LAMA3: variants seen among roughly 807,000 people sequenced by gnomAD.
LAMA3 encodes laminin subunit alpha 3, also known as laminin subunit alpha-3.
LAMA3 carries 281 observed loss-of-function variants against 402.0 expected under a neutral mutation model. The ratio of observed to expected loss-of-function variants is 0.70; its 90% CI spans 0.63 to 0.77. The LOEUF is 0.77. LAMA3 is among the 30% of genes least tolerant of loss of function. The pLI is 0.00. For missense variants in LAMA3, 3,840 were observed against 4,215.5 expected (o/e 0.91, Z 2.47); for synonymous variants, 1,431 against 1,558.4 (o/e 0.92, Z 1.93).
At chr18:23,794,063 G>A (rs939391409) in intron 12 of LAMA3, among the ~76,000 whole-genome samples, 10 of 152,238 alleles carry the variant, frequency 6.6e-5, no homozygotes, top group Non-Finnish European at 1.0e-4. Context: ...GAGCTTCCAT[G>A]CCCTCCCTGG....
rs1380635670 is a variant in LAMA3 at position 23,751,101 on chromosome 18, A to G, written c.855+13A>G. ...TGTCACTCGGCGGGTGAGTAGTCAG[A>G]GCATTTGTTTTGTTACTTTATTTAT... is the stretch of plus-strand genomic sequence containing the variant. On this transcript the variant is annotated intron_variant, in intron 5 of 74. Coordinates refer to ENST00000313654, the MANE Select transcript of LAMA3 (RefSeq NM_198129.4). 1.2e-6 allele frequency: 2 copies of G among 1,613,892 alleles called. No homozygotes were observed. Among genetic ancestry groups the G allele is most frequent in the African/African-American group, 2.7e-5 (2 of 74,932 alleles).
chr18:23,905,708 ATGT>A, intron 52 of LAMA3, 84 bp downstream of exon 52: 1 of 759,742 alleles, frequency 1.3e-6, no homozygotes, highest in South Asian at 1.4e-5. Flanking sequence ...CTAGAAGCAA[ATGT>A]TGTTTTTGAA....
chr18:23,833,393 T>G (rs993867831), intron 23 of LAMA3, among the ~76,000 whole-genome samples: 1 of 151,186 alleles, frequency 6.6e-6, no homozygotes, highest in Non-Finnish European at 1.5e-5. Flanking sequence ...TAAAACTTAT[T>G]AAAAAAAAAA....
intron 39 of LAMA3, among the ~76,000 whole-genome samples, chr18:23,880,436 AG>A (rs575800783): frequency 1.2e-3 from 181 of 152,344 alleles, no homozygotes; most frequent in African/African-American, 4.1e-3. Context: ...AGTTACTCAA[AG>A]GTTAGTGAAG....
At chr18:23,763,877 C>T (rs1263741812) in intron 8 of LAMA3, among the ~76,000 whole-genome samples, 1 of 152,148 alleles carries the variant, frequency 6.6e-6, no homozygotes, top group Non-Finnish European at 1.5e-5. Flanking sequence ...GACCCTACAT[C>T]CTGTTTTCAG....
intron 39 of LAMA3, among the ~76,000 whole-genome samples, chr18:23,880,348 C>A (rs2064856289): frequency 6.6e-6 from 1 of 152,140 alleles, no homozygotes; most frequent in Non-Finnish European, 1.5e-5. Flanking sequence ...ATACTAATAT[C>A]TTATGTTTAT....
chr18:23,949,720 T>G, intron 70 of LAMA3, 45 bp from the exon 71 acceptor site: 1 of 1,606,154 alleles, frequency 6.2e-7, no homozygotes, highest in Non-Finnish European at 8.5e-7. Context: ...CATGCCTTTC[T>G]TGGAGGTGTA....
At chr18:23,769,092 G>T (rs961822219) in intron 8 of LAMA3, among the ~76,000 whole-genome samples, 7 of 152,162 alleles carry the variant, frequency 4.6e-5, no homozygotes, top group African/African-American at 1.7e-4. Context: ...TGAGCGCCAT[G>T]CAATATATCC....
In LAMA3 at chr18:23,864,266, G is replaced by A. The variant is rs911473787; in HGVS notation, c.4585-519G>A. Among the ~76,000 whole-genome samples, 3 of 144,818 alleles carry A rather than the reference G, an allele frequency of 2.1e-5. No individual in the cohort carries two copies. In the Admixed American group the frequency reaches 2.1e-4, roughly 10 times the overall value. The stretch of plus-strand genomic sequence containing the variant: ...AAAAGAGACAGGGTCTTGCCCTGTT[G>A]CCCAAGCTGCACTGCAGTGGTACAA... On this transcript the variant is annotated intron_variant, in intron 35 of 74. Transcript: ENST00000313654.
At position 23,951,697 on chromosome 18, in the gene LAMA3, T is replaced by C. The variant is rs1324502047; in HGVS notation, c.9656T>C (p.Met3219Thr). 1 of 1,613,932 alleles carries C rather than the reference T, an allele frequency of 6.2e-7. No homozygotes were observed. Among genetic ancestry groups the C allele is most frequent in the Non-Finnish European group, 8.5e-7 (1 of 1,179,892 alleles). The change falls in exon 73 of 75, where the codon ATG (methionine) becomes ACG (threonine). Residue 3219 changes from methionine (M) to threonine (T), a missense_variant. Physicochemically the swap from Met to Thr is moderately conservative, Grantham distance 81. Transcript: ENST00000313654. ...TGTGTGTTCCAGGTCACGGCCTCTA[T>C]GGACAGTGGGGCAGGTGGGACCTCA... ...YLEAGKVTAS[M>T]DSGAGGTSTS...
intron 12 of LAMA3, among the ~76,000 whole-genome samples, chr18:23,798,631 T>G (rs2062811863): frequency 6.6e-6 from 1 of 152,216 alleles, no homozygotes; most frequent in African/African-American, 2.4e-5. Flanking sequence ...AGTTTTGCCT[T>G]GAACTGGCCC....
At chr18:23,845,318 G>T (rs192656831) in intron 30 of LAMA3, among the ~76,000 whole-genome samples, 194 bp downstream of exon 30, 29 of 152,328 alleles carry the variant, frequency 1.9e-4, no homozygotes, top group Non-Finnish European at 3.4e-4. Context: ...GCCATGTGCT[G>T]CCTGGGAAAG....
At chr18:23,860,022 G>A (rs1418917464) in intron 34 of LAMA3, among the ~76,000 whole-genome samples, 2 of 152,086 alleles carry the variant, frequency 1.3e-5, no homozygotes, top group Admixed American at 6.5e-5. Context: ...AGGAACTGTG[G>A]ACTAAGACCA....
At position 23,753,771 on chromosome 18, in the gene LAMA3, TG is replaced by T. The variant is rs1162826607; in HGVS notation, c.908del (p.Gly303AlafsTer8). On this transcript the variant is annotated frameshift_variant, in exon 6 of 75. Transcript: ENST00000313654. LOFTEE classifies it high-confidence loss of function. ...GCATTGGTGGGCAGTGTGTTTGCAA[TG>T]GCCATGCTGAAGTGTGCAATATAAA... ...ISIGGQCVCN[G>X]HAEVCNINNP... 1 of 1,613,940 alleles carries T rather than the reference TG, an allele frequency of 6.2e-7. No individual in the cohort carries two copies.
chr18:23,846,196 C>A, intron 30 of LAMA3, 101 bp from the exon 31 acceptor site: 1 of 1,160,022 alleles, frequency 8.6e-7, no homozygotes, highest in Non-Finnish European at 1.3e-6. Context: ...TGAGCCCGTC[C>A]CACAGATGCT....
At chr18:23,786,119 A>G (rs573032886) in intron 12 of LAMA3, among the ~76,000 whole-genome samples, 4 of 152,382 alleles carry the variant, frequency 2.6e-5, no homozygotes, top group African/African-American at 9.6e-5. Context: ...ATAAGAGCAT[A>G]TAGCAAATGA....
At chr18:23,843,979 G>C (rs2063759690) in intron 29 of LAMA3, among the ~76,000 whole-genome samples, 1 of 152,122 alleles carries the variant, frequency 6.6e-6, no homozygotes, top group Non-Finnish European at 1.5e-5. Flanking sequence ...TTTCTGCAAA[G>C]CCCTCCAGGA....
intron 25 of LAMA3, 191 bp downstream of exon 25, chr18:23,837,280 C>A: frequency 1.7e-6 from 1 of 593,504 alleles, no homozygotes; most frequent in South Asian, 2.0e-5. Context: ...TTGATATGGC[C>A]TAATAAAATT....
At chr18:23,799,077 G>A (rs2062821374) in intron 12 of LAMA3, among the ~76,000 whole-genome samples, 1 of 152,208 alleles carries the variant, frequency 6.6e-6, no homozygotes, top group Non-Finnish European at 1.5e-5. Context: ...CCAGCTATTT[G>A]GCAGGTACTG....
Sources: gnomAD v4.1 joint callset for allele counts (sites outside exome capture counted in the v4.1 genomes callset) on GRCh38, gnomAD v4.1.1 for gene constraint, MANE v1.5 for transcripts, NCBI Gene and HGNC (gene_info 2026-07-23, HGNC 2026-07-21) for gene names.